NKAIN2: variants seen among roughly 807,000 people sequenced by gnomAD.
The protein encoded by NKAIN2 is sodium/potassium-transporting ATPase subunit beta-1-interacting protein 2.
NKAIN2 carries 14 observed loss-of-function variants against 32.6 expected under a neutral mutation model. The observed-to-expected ratio is 0.43, with a 90% CI of 0.28 to 0.67. The LOEUF (loss-of-function observed/expected upper bound fraction) is 0.67. Ranked by LOEUF, NKAIN2 falls within the 30% of genes least tolerant of loss-of-function variation. The pLI, the probability that NKAIN2 is intolerant of heterozygous loss-of-function variation, is 0.17. For missense variants in NKAIN2, 198 were observed against 258.3 expected, an observed-to-expected ratio of 0.77 and a Z score of 1.60; for synonymous variants, 80 against 87.2, an observed-to-expected ratio of 0.92 and a Z score of 0.46.
At chr6:124,714,125 A>G (rs774977627) in intron 4 of NKAIN2, among the ~76,000 whole-genome samples, 2 of 152,166 alleles carry the variant, frequency 1.3e-5, no homozygotes, top group Non-Finnish European at 2.9e-5. Context: ...TATGTGCTTT[A>G]TGCACCCCTT....
At chr6:123,989,220 G>A (rs999564380) in intron 1 of NKAIN2, among the ~76,000 whole-genome samples, 20 of 152,052 alleles carry the variant, frequency 1.3e-4, no homozygotes, top group African/African-American at 4.8e-4. Context: ...TGATAACTGG[G>A]TAACAGATCC....
At chr6:123,968,766 A>G (rs551703688) in intron 1 of NKAIN2, among the ~76,000 whole-genome samples, 11 of 152,312 alleles carry the variant, frequency 7.2e-5, no homozygotes, top group African/African-American at 2.6e-4. Flanking sequence ...TTAGCCTTAC[A>G]AATTTCTGCT....
chr6:124,314,878 T>G (rs1796876532), intron 2 of NKAIN2, among the ~76,000 whole-genome samples: 1 of 152,166 alleles, frequency 6.6e-6, no homozygotes, highest in Admixed American at 6.6e-5. Context: ...ATAAGTTGTT[T>G]CTGTTTGAAC....
chr6:124,480,777 G>A (rs1777412083), intron 3 of NKAIN2, among the ~76,000 whole-genome samples: 1 of 152,028 alleles, frequency 6.6e-6, no homozygotes, highest in African/African-American at 2.4e-5. Flanking sequence ...TAATAGAAAA[G>A]TGTAATATCT....
chr6:124,134,453 AG>A (rs1485392038), intron 1 of NKAIN2, among the ~76,000 whole-genome samples: 1 of 152,210 alleles, frequency 6.6e-6, no homozygotes, highest in Non-Finnish European at 1.5e-5. Context: ...TGGGAGGCCA[AG>A]GCGGGTGGAT....
At chr6:124,599,387 G>C (rs1782222960) in intron 3 of NKAIN2, among the ~76,000 whole-genome samples, 1 of 152,056 alleles carries the variant, frequency 6.6e-6, no homozygotes, top group Non-Finnish European at 1.5e-5. Context: ...GTGGATTTTG[G>C]CAAAATGTTT....
chr6:124,012,676 C>T (rs911746376), intron 1 of NKAIN2, among the ~76,000 whole-genome samples: 3 of 152,078 alleles, frequency 2.0e-5, no homozygotes, highest in African/African-American at 2.4e-5. Flanking sequence ...TGCTTTTTCT[C>T]GATGAGTTGT....
At position 124,824,001 on chromosome 6, in the gene NKAIN2, G is replaced by C. The variant is rs1378388275; in HGVS notation, c.*772G>C. On this transcript the variant is annotated 3_prime_UTR_variant, in exon 7 of 7. Coordinates refer to ENST00000368417, the MANE Select transcript of NKAIN2 (RefSeq NM_001040214.3). ...TGCTTTACCATAGAGCCTCCATGGT[G>C]GCCCAAAAGAGACAAGTAACAATAA... 1 of 152,158 alleles carries C rather than the reference G, an allele frequency of 6.6e-6. No individual in the cohort carries two copies. Among genetic ancestry groups the C allele is most frequent in the African/African-American group, 2.4e-5 (1 of 41,438 alleles). 9.4% of individuals were successfully genotyped at this position (152,158 alleles called of 1,614,324 possible). A position where few individuals can be genotyped will look rare whatever the true frequency, so the allele number is the denominator to read the frequency against.
chr6:124,623,303 C>T (rs1357151549), intron 3 of NKAIN2, among the ~76,000 whole-genome samples: 1 of 152,002 alleles, frequency 6.6e-6, no homozygotes, highest in African/African-American at 2.4e-5. Context: ...GATGGGGCTG[C>T]AAAGGAAAGA....
intron 5 of NKAIN2, among the ~76,000 whole-genome samples, chr6:124,805,490 G>T (rs1780502344): frequency 6.6e-6 from 1 of 152,122 alleles, no homozygotes. Context: ...AAACCCATCT[G>T]TACATCACCA....
intron 4 of NKAIN2, among the ~76,000 whole-genome samples, chr6:124,665,018 C>T (rs927586684): frequency 2.6e-5 from 4 of 152,054 alleles, no homozygotes; most frequent in African/African-American, 9.6e-5. Flanking sequence ...GTCCCTTTAA[C>T]ATCTATTAGT....
intron 1 of NKAIN2, among the ~76,000 whole-genome samples, chr6:123,858,363 G>A (rs1165469106): frequency 6.6e-6 from 1 of 152,038 alleles, no homozygotes; most frequent in Non-Finnish European, 1.5e-5. Context: ...TGATCTGCCC[G>A]CCTCGGCCTC....
chr6:124,243,108 A>T (rs1793201628), intron 1 of NKAIN2, among the ~76,000 whole-genome samples: 1 of 151,962 alleles, frequency 6.6e-6, no homozygotes, highest in African/African-American at 2.4e-5. Flanking sequence ...TTGTCATAAG[A>T]GATCTGTTGA....
rs1423549202 is a variant in NKAIN2 at position 123,911,828 on chromosome 6, C to T, written c.54+107574C>T. ...ATATATATATACACACACACACACA[C>T]ACACACACACACACACACACACACA... On this transcript the variant is annotated intron_variant, in intron 1 of 6. Coordinates refer to ENST00000368417, the MANE Select transcript of NKAIN2 (RefSeq NM_001040214.3). Among the ~76,000 whole-genome samples the T allele has an allele frequency of 7.3e-3, 500 of 68,480 alleles. 36 individuals are homozygous for T. Among genetic ancestry groups the T allele is most frequent in the East Asian group, 0.049 (64 of 1,318 alleles). The allele number at this position is 68,480 out of a possible 152,430, so 44.9% of individuals were successfully genotyped here.
rs563319426 is a variant in NKAIN2 at position 124,797,169 on chromosome 6, C to CAA, written c.535+5792_535+5793dup. 2.2e-3 allele frequency among the ~76,000 whole-genome samples: 190 copies of CAA among 87,056 alleles called. 3 individuals carry two copies. The highest frequency in any genetic ancestry group is 6.9e-3 in the African/African-American group (148 of 21,426). 57.1% of individuals were successfully genotyped at this position (87,056 alleles called of 152,430 possible). On this transcript the variant is annotated intron_variant, in intron 5 of 6. Coordinates refer to ENST00000368417, the MANE Select transcript of NKAIN2 (RefSeq NM_001040214.3). Reference sequence around the variant, plus strand: ...AGAAAATATTGCTAATCCATGTTAGCAAAAAAAAAAAAAAAAAAAAAAATC... The same window carrying CAA: ...AGAAAATATTGCTAATCCATGTTAGCAAAAAAAAAAAAAAAAAAAAAAAAATC...
intron 1 of NKAIN2, among the ~76,000 whole-genome samples, chr6:124,044,939 T>A (rs1363088713): frequency 6.6e-6 from 1 of 151,962 alleles, no homozygotes; most frequent in Non-Finnish European, 1.5e-5. Flanking sequence ...TAAGTAAGTC[T>A]TTTACTTTTT....
At chr6:124,042,932 A>T (rs1562325175) in intron 1 of NKAIN2, among the ~76,000 whole-genome samples, 1 of 152,126 alleles carries the variant, frequency 6.6e-6, no homozygotes, top group Non-Finnish European at 1.5e-5. Flanking sequence ...AAGCCTGTGA[A>T]TGAAGTTAAT....
intron 1 of NKAIN2, among the ~76,000 whole-genome samples, chr6:124,107,630 A>G (rs1785183474): frequency 6.6e-6 from 1 of 152,152 alleles, no homozygotes. Flanking sequence ...CGTTGCATGC[A>G]GATCTCTAGG....
intron 2 of NKAIN2, among the ~76,000 whole-genome samples, chr6:124,297,724 CT>C (rs1436207648): frequency 5.9e-5 from 9 of 152,068 alleles, no homozygotes; most frequent in African/African-American, 1.5e-4. Context: ...GCCCCGCCCC[CT>C]GTCAGTAATT....
Sources: gnomAD v4.1 joint callset for allele counts (sites outside exome capture counted in the v4.1 genomes callset) on GRCh38, gnomAD v4.1.1 for gene constraint, MANE v1.5 for transcripts, NCBI Gene and HGNC (gene_info 2026-07-23, HGNC 2026-07-21) for gene names.